PCDH15: variants seen among roughly 807,000 people sequenced by gnomAD.
PCDH15 encodes protocadherin-15.
Under a neutral mutation model 178.5 loss-of-function variants are expected in PCDH15, and 129 were observed. The observed-to-expected ratio is 0.72, with a 90% confidence interval of 0.63 to 0.84. The LOEUF (loss-of-function observed/expected upper bound fraction) is 0.84, where lower values mean the gene tolerates loss of function less well. Among genes scored for constraint, PCDH15 ranks in the 40% least tolerant of loss-of-function variants. The probability of loss-of-function intolerance (pLI) is 0.00; values close to 1 mark genes in which losing one functional copy is unlikely to be tolerated. For missense variants in PCDH15, 2,230 were observed against 2,099.9 expected (o/e 1.06, Z -1.21); for synonymous variants, 800 against 732.0 (o/e 1.09, Z -1.50).
chr10:55,594,267 TAAC>T (rs1233588623), intron 2 of PCDH15, among the ~76,000 whole-genome samples: 1 of 151,940 alleles, frequency 6.6e-6, no homozygotes, highest in Non-Finnish European at 1.5e-5. Flanking sequence ...ACAGATGTGT[TAAC>T]AATGTTTTCT....
intron 2 of PCDH15, among the ~76,000 whole-genome samples, chr10:55,339,473 T>C (rs1392137589): frequency 2.0e-5 from 3 of 152,118 alleles, no homozygotes; most frequent in African/African-American, 4.8e-5. Flanking sequence ...TTTAACAGCA[T>C]AGTGGAAATA....
chr10:55,083,486 T>C (rs1842093296), intron 2 of PCDH15, among the ~76,000 whole-genome samples: 1 of 151,904 alleles, frequency 6.6e-6, no homozygotes, highest in African/African-American at 2.4e-5. Flanking sequence ...ATGAAAGCCT[T>C]TCCTCTAAGA....
intron 26 of PCDH15, among the ~76,000 whole-genome samples, chr10:53,898,969 C>G (rs1004451922): frequency 3.9e-5 from 6 of 152,084 alleles, no homozygotes; most frequent in Admixed American, 2.0e-4. Flanking sequence ...GAGACTTCAC[C>G]TAAATTAACT....
intron 2 of PCDH15, among the ~76,000 whole-genome samples, chr10:55,132,318 A>C (rs143812687): frequency 1.3e-5 from 2 of 152,220 alleles, no homozygotes; most frequent in East Asian, 3.8e-4. Flanking sequence ...AAAATTGGGG[A>C]AAAAGAGCGT....
At chr10:54,223,427 A>G (rs183167166) in intron 9 of PCDH15, among the ~76,000 whole-genome samples, 2 of 137,102 alleles carry the variant, frequency 1.5e-5, no homozygotes, top group Admixed American at 1.8e-4. Flanking sequence ...AAGTCTTTCA[A>G]GTTGGTTTCT....
At chr10:53,918,240 C>G (rs1000563907) in intron 25 of PCDH15, among the ~76,000 whole-genome samples, 4 of 152,058 alleles carry the variant, frequency 2.6e-5, no homozygotes, top group Non-Finnish European at 1.5e-5. Flanking sequence ...CTTTAAAAAC[C>G]TTGCAACAAA....
At chr10:55,617,794 T>C (rs1843509473) in intron 2 of PCDH15, among the ~76,000 whole-genome samples, 3 of 151,990 alleles carry the variant, frequency 2.0e-5, no homozygotes. Flanking sequence ...GTAACGACAT[T>C]TTGGCTGCAG....
Position 54,586,602 on chromosome 10 carries a change from T to A in PCDH15, c.92-58725A>T, listed in dbSNP as rs1290360003. On this transcript the variant is annotated intron_variant, in intron 2 of 37. Transcript: ENST00000644397. The stretch of plus-strand genomic sequence containing the variant: ...TCACATAACTAGCAAATGCTAAAGT[T>A]TAGTTTGGGACAAGATATGTATGAC... 5.3e-5 allele frequency among the ~76,000 whole-genome samples: 8 copies of A among 152,152 alleles called. No homozygotes were observed. In the East Asian group the frequency reaches 1.5e-3, roughly 29 times the overall value.
chr10:54,706,978 T>C lies in PCDH15; in HGVS notation c.-28-42688A>G, dbSNP rs144968012. ...GATGCAGGAAATCCTGTTGAGAACA[T>C]AGAAGCAATCTTCATGATGTTATAC... is the stretch of plus-strand genomic sequence containing the variant. On this transcript the variant is annotated intron_variant, in intron 1 of 37. Transcript: ENST00000644397. Among the ~76,000 whole-genome samples the C allele has an allele frequency of 7.3e-3, 1,109 of 152,314 alleles. 40 individuals carry two copies. Among genetic ancestry groups the C allele is most frequent in the Admixed American group, 0.061 (935 of 15,296 alleles).
intron 10 of PCDH15, among the ~76,000 whole-genome samples, chr10:54,204,234 T>A (rs2050544190): frequency 6.6e-6 from 1 of 152,074 alleles, no homozygotes; most frequent in Non-Finnish European, 1.5e-5. Flanking sequence ...AGGTGGAAAG[T>A]ATATGGTTGT....
chr10:54,291,377 T>A (rs1257558103), intron 8 of PCDH15, among the ~76,000 whole-genome samples: 1 of 152,040 alleles, frequency 6.6e-6, no homozygotes, highest in Admixed American at 6.5e-5. Context: ...GCAGGAAAGA[T>A]CTAAAATCAA....
intron 3 of PCDH15, among the ~76,000 whole-genome samples, chr10:54,390,472 T>A (rs1201368751): frequency 1.3e-5 from 2 of 152,050 alleles, no homozygotes; most frequent in East Asian, 1.9e-4. Context: ...TTTTTGTATG[T>A]TTTTAGTAGA....
At position 55,205,181 on chromosome 10, in the gene PCDH15, G is replaced by C. The variant is rs183277430; in HGVS notation, c.-155-38530C>G. On this transcript the variant is annotated intron_variant, in intron 1 of 5. Coordinates refer to the PCDH15 transcript ENST00000458638. ...AGAAATATTAAAATAAACCACTTAC[G>C]TAAGTTACAATAAATTCCAATTAAC... Among the ~76,000 whole-genome samples, 57 of 151,906 alleles carry C rather than the reference G, an allele frequency of 3.8e-4. 1 individual carries two copies. The highest frequency in any genetic ancestry group is 3.0e-3 in the Admixed American group (46 of 15,250).
At chr10:54,874,432 T>C (rs945712178) in intron 3 of PCDH15, among the ~76,000 whole-genome samples, 1 of 151,512 alleles carries the variant, frequency 6.6e-6, no homozygotes, top group Admixed American at 6.6e-5. Context: ...GCAATAAACA[T>C]ACGTGTGCAT....
chr10:54,433,272 G>C (rs1407239080), intron 3 of PCDH15, among the ~76,000 whole-genome samples: 1 of 152,084 alleles, frequency 6.6e-6, no homozygotes, highest in East Asian at 1.9e-4. Context: ...GCACTCCCTT[G>C]TTTGGCCAGC....
chr10:53,910,152 A>G (rs1164744398), intron 25 of PCDH15, among the ~76,000 whole-genome samples: 2 of 152,156 alleles, frequency 1.3e-5, no homozygotes, highest in African/African-American at 4.8e-5. Flanking sequence ...GAAGAGAGCA[A>G]TGGTTCTCCC....
At chr10:55,431,623 T>G (rs1025675184) in intron 2 of PCDH15, among the ~76,000 whole-genome samples, 1 of 152,324 alleles carries the variant, frequency 6.6e-6, no homozygotes, top group African/African-American at 2.4e-5. Flanking sequence ...ATGTGCATAC[T>G]CCAAGCAAAT....
chr10:54,904,260 T>C (rs925201377), intron 2 of PCDH15, among the ~76,000 whole-genome samples: 8 of 152,114 alleles, frequency 5.3e-5, no homozygotes, highest in African/African-American at 1.9e-4. Flanking sequence ...TTACTATATT[T>C]TAACTTTGCA....
intron 2 of PCDH15, among the ~76,000 whole-genome samples, chr10:55,095,699 A>G (rs974967608): frequency 5.3e-5 from 8 of 152,058 alleles, no homozygotes; most frequent in Non-Finnish European, 8.8e-5. Context: ...ACATGACCTG[A>G]AGCTTCCCAA....
Sources: allele counts gnomAD v4.1 joint callset (sites outside exome capture counted in the v4.1 genomes callset), GRCh38; gene constraint gnomAD v4.1.1; transcripts MANE v1.5; gene names NCBI Gene and HGNC (gene_info 2026-07-23, HGNC 2026-07-21).